RPN2: variants seen among roughly 807,000 people sequenced by gnomAD.
The protein encoded by RPN2 is ribophorin II, also known as dolichyl-diphosphooligosaccharide--protein glycosyltransferase subunit 2.
In RPN2, 29 loss-of-function variants were observed where a neutral mutation model predicts 71.4. The observed-to-expected ratio is 0.41, with a 90% CI of 0.30 to 0.55. RPN2 has a LOEUF of 0.55. RPN2 is among the 20% of genes least tolerant of loss of function. The probability of loss-of-function intolerance (pLI) is 0.35; values close to 1 mark genes in which losing one functional copy is unlikely to be tolerated. For synonymous variants in RPN2, 308 were observed against 305.0 expected (o/e 1.01, Z -0.10); for missense variants, 726 against 774.1 (o/e 0.94, Z 0.74).
chr20:37,188,110 C>T (rs2067053253), intron 2 of RPN2, among the ~76,000 whole-genome samples: 1 of 152,084 alleles, frequency 6.6e-6, no homozygotes, highest in Non-Finnish European at 1.5e-5. Context: ...TAAAAGAACC[C>T]TATAACTGTA....
chr20:37,210,364 GCT>G (rs2067628911), intron 8 of RPN2, among the ~76,000 whole-genome samples, 199 bp downstream of exon 8: 1 of 151,956 alleles, frequency 6.6e-6, no homozygotes, highest in Admixed American at 6.6e-5. Context: ...TTTCTAGTTG[GCT>G]CTGTCTTGTC....
At position 37,228,761 on chromosome 20, in the gene RPN2, A is replaced by T; in HGVS notation, c.1494+17A>T. On this transcript the variant is annotated intron_variant, in intron 12 of 16. Transcript: ENST00000237530. ...TGGAATGTGGTATGTGCCTGAATGT[A>T]CCCCGACCCAGGTGAGAGTGGCTGT... The T allele has an allele frequency of 6.2e-7, 1 of 1,613,182 alleles. No homozygotes were observed.
chr20:37,231,714 T>TAA (rs146042631), intron 13 of RPN2, among the ~76,000 whole-genome samples: 8 of 145,668 alleles, frequency 5.5e-5, no homozygotes, highest in Non-Finnish European at 9.0e-5. Context: ...CCTGTCTCTT[T>TAA]AAAAAAAAGA....
rs189606984 is a variant in RPN2, at chr20:37,190,852, A to G, written c.207+6479A>G. Among the ~76,000 whole-genome samples, 116 of 152,318 alleles carry G rather than the reference A, an allele frequency of 7.6e-4. 1 individual carries two copies. The highest frequency in any genetic ancestry group is 4.1e-3 in the Admixed American group (63 of 15,304). On this transcript the variant is annotated intron_variant, in intron 2 of 16. Coordinates refer to ENST00000237530, the MANE Select transcript of RPN2 (RefSeq NM_002951.5). Reference sequence around the variant, plus strand: ...GTGTGCATTATAAGTAATGGAAGAAAGGGAGTTGTATGCATGTTTCAGAGC... The same window carrying G: ...GTGTGCATTATAAGTAATGGAAGAAGGGGAGTTGTATGCATGTTTCAGAGC...
intron 16 of RPN2, among the ~76,000 whole-genome samples, chr20:37,237,250 T>C (rs1234209109): frequency 6.6e-6 from 1 of 152,162 alleles, no homozygotes; most frequent in Non-Finnish European, 1.5e-5. Flanking sequence ...TAGAGTCACA[T>C]GGATGGTCAG....
At chr20:37,201,227 CT>C (rs1222789724) in intron 4 of RPN2, among the ~76,000 whole-genome samples, 1 of 146,420 alleles carries the variant, frequency 6.8e-6, no homozygotes, top group Non-Finnish European at 1.5e-5. Context: ...GGTCCCCCTT[CT>C]TAGAGAGTTT....
At chr20:37,199,304 C>CAAATACTTTCTGGGCAAGTACTTGCAGT in intron 4 of RPN2, 79 bp downstream of exon 4, 1 of 1,550,580 alleles carries the variant, frequency 6.4e-7, no homozygotes, top group South Asian at 1.1e-5. Flanking sequence ...ATTGGTTCAG[C>CAAATACTTTCTGGGCAAGTACTTGCAGT]AAATACTTTC....
intron 12 of RPN2, chr20:37,229,726 A>G (rs1487076600): frequency 3.7e-6 from 2 of 547,138 alleles, no homozygotes; most frequent in East Asian, 3.2e-5. Context: ...TGTATTAAGC[A>G]GCTCTATGGG....
chr20:37,238,235 A>G (rs1374443482), intron 16 of RPN2, among the ~76,000 whole-genome samples: 1 of 152,140 alleles, frequency 6.6e-6, no homozygotes, highest in Non-Finnish European at 1.5e-5. Flanking sequence ...CAAAAACTTA[A>G]AGCCCACTCT....
intron 13 of RPN2, among the ~76,000 whole-genome samples, chr20:37,231,641 G>A (rs1255006120): frequency 6.6e-6 from 1 of 151,680 alleles, no homozygotes; most frequent in Non-Finnish European, 1.5e-5. Context: ...GAGCCCAGGT[G>A]TATGAGGTTA....
chr20:37,189,892 A>T (rs1286605337), intron 2 of RPN2, among the ~76,000 whole-genome samples: 2 of 152,236 alleles, frequency 1.3e-5, no homozygotes, highest in Non-Finnish European at 2.9e-5. Context: ...TGGCACAGAC[A>T]CTGTATTCGC....
chr20:37,229,821 C>A (rs934743366), intron 12 of RPN2, 152 bp from the exon 13 acceptor site: 1 of 694,542 alleles, frequency 1.4e-6, no homozygotes, highest in Non-Finnish European at 2.6e-6. Context: ...GTTTTTACTG[C>A]CTCAATTTGT....
At chr20:37,185,705 A>G (rs753051578) in intron 2 of RPN2, among the ~76,000 whole-genome samples, 23 of 151,216 alleles carry the variant, frequency 1.5e-4, no homozygotes, top group South Asian at 6.3e-4. Flanking sequence ...ATAGCACACT[A>G]TAACCTCGAA....
chr20:37,204,393 T>C (rs958182469), intron 5 of RPN2, among the ~76,000 whole-genome samples: 1 of 152,182 alleles, frequency 6.6e-6, no homozygotes, highest in Non-Finnish European at 1.5e-5. Context: ...TTGTAGGTTG[T>C]ATTCAAATGG....
chr20:37,179,665 A>C, intron 1 of RPN2: 1 of 445,274 alleles, frequency 2.2e-6, no homozygotes, highest in Non-Finnish European at 3.6e-6. Context: ...GGCCTCATTC[A>C]TTTCACTCGC....
Position 37,184,071 on chromosome 20 carries a change from C to T in RPN2, c.14-109C>T, listed in dbSNP as rs77007680. The T allele has an allele frequency of 5.9e-3, 7,821 of 1,335,748 alleles. 137 individuals are homozygous for T. The highest frequency in any genetic ancestry group is 0.058 in the East Asian group (2,525 of 43,350). The allele number at this position is 1,335,748 out of a possible 1,614,324, so 82.7% of individuals were successfully genotyped here. On this transcript the variant is annotated intron_variant, in intron 1 of 16. Coordinates refer to ENST00000237530, the MANE Select transcript of RPN2 (RefSeq NM_002951.5). ...CAGGTTAAACCCCTGGATTCCCTCG[C>T]CCTTCCCCATGTGATTTGGTTCCCA...
chr20:37,201,154 G>GT (rs2067379392), intron 4 of RPN2, among the ~76,000 whole-genome samples: 1 of 151,916 alleles, frequency 6.6e-6, no homozygotes. Context: ...CTGGTTCTTG[G>GT]TGGGCGTGTA....
chr20:37,237,199 C>T (rs923651599), intron 16 of RPN2, among the ~76,000 whole-genome samples: 1 of 152,144 alleles, frequency 6.6e-6, no homozygotes, highest in African/African-American at 2.4e-5. Context: ...AGGAGTATCT[C>T]CTCAGTAGCC....
At chr20:37,222,675 G>C (rs1339456607) in intron 9 of RPN2, among the ~76,000 whole-genome samples, 1 of 152,144 alleles carries the variant, frequency 6.6e-6, no homozygotes, top group African/African-American at 2.4e-5. Context: ...GATTTGGCAA[G>C]GATTTCCTTA....
Sources: gnomAD v4.1 joint callset for allele counts (sites outside exome capture counted in the v4.1 genomes callset) on GRCh38, gnomAD v4.1.1 for gene constraint, MANE v1.5 for transcripts, NCBI Gene and HGNC (gene_info 2026-07-23, HGNC 2026-07-21) for gene names.